The following SLC12A8 variants were observed in gnomAD, a reference collection of about 807,000 sequenced individuals.
The protein encoded by SLC12A8 is cation-chloride cotransporter 9.
In SLC12A8, 69 loss-of-function variants were observed where a neutral mutation model predicts 75.6. That is an observed-to-expected ratio of 0.91 (90% CI 0.75 to 1.11). The LOEUF is 1.11. Among genes scored for constraint, SLC12A8 ranks in the 50% most tolerant of loss-of-function variants. The probability of loss-of-function intolerance (pLI) is 0.00; values close to 1 mark genes in which losing one functional copy is unlikely to be tolerated. For synonymous variants in SLC12A8, 365 were observed against 372.8 expected (o/e 0.98, Z 0.24); for missense variants, 877 against 896.7 (o/e 0.98, Z 0.28).
chr3:125,207,615 TCAGACC>T (rs1209956910), intron 2 of SLC12A8, among the ~76,000 whole-genome samples: 3 of 152,210 alleles, frequency 2.0e-5, no homozygotes, highest in Non-Finnish European at 4.4e-5. Flanking sequence ...CTGCAGGACT[TCAGACC>T]TCCACACAGC....
At chr3:125,144,151 T>A (rs535106503) in intron 5 of SLC12A8, among the ~76,000 whole-genome samples, 2 of 152,152 alleles carry the variant, frequency 1.3e-5, no homozygotes, top group African/African-American at 4.8e-5. Context: ...GACACTAGGT[T>A]CTCACCTGGG....
intron 2 of SLC12A8, among the ~76,000 whole-genome samples, chr3:125,203,152 C>A (rs1935161477): frequency 6.9e-6 from 1 of 144,940 alleles, no homozygotes; most frequent in Non-Finnish European, 1.5e-5. Context: ...AATGGCCATA[C>A]TATGCAAAGC....
intron 5 of SLC12A8, among the ~76,000 whole-genome samples, chr3:125,145,244 T>C (rs946844072): frequency 1.3e-5 from 2 of 152,208 alleles, no homozygotes; most frequent in Non-Finnish European, 2.9e-5. Flanking sequence ...CTGCTGTTAC[T>C]GGCTGGCTAC....
rs779227993 is a variant in SLC12A8 at position 125,135,690 on chromosome 3, C to T, written c.715G>A (p.Val239Ile). The change falls in exon 6 of 14, where the codon GTT becomes ATT. Residue 239 changes from valine to isoleucine, a missense_variant. Coordinates refer to ENST00000469902, the MANE Select transcript of SLC12A8 (RefSeq NM_024628.6). ...ATACCTGTAGCCGCTGGGAAGAAAA[C>T]CCCAAAGACAGTGAAAAAAGATTCC... The part of the protein sequence containing the change: ...PGESFFTVFG[V>I]FFPAATGVMA... 6.2e-7 allele frequency: 1 copy of T among 1,607,992 alleles called. No homozygotes were observed. The highest frequency in any genetic ancestry group is 1.1e-5 in the South Asian group (1 of 89,976).
At chr3:125,186,820 G>A (rs538085137) in intron 4 of SLC12A8, among the ~76,000 whole-genome samples, 1 of 152,366 alleles carries the variant, frequency 6.6e-6, no homozygotes, top group South Asian at 2.1e-4. Context: ...CATTTGAGAA[G>A]TGCCTGCTTC....
At chr3:125,147,471 T>C (rs542061815) in intron 5 of SLC12A8, among the ~76,000 whole-genome samples, 3 of 152,204 alleles carry the variant, frequency 2.0e-5, no homozygotes, top group Non-Finnish European at 4.4e-5. Flanking sequence ...GTGTGCCTTT[T>C]CTGCAGGCGC....
At chr3:125,205,259 A>G (rs1217723984) in intron 2 of SLC12A8, among the ~76,000 whole-genome samples, 2 of 152,098 alleles carry the variant, frequency 1.3e-5, no homozygotes, top group Non-Finnish European at 2.9e-5. Context: ...TGCGTGGCAT[A>G]GTGTATTCTC....
At position 125,192,831 on chromosome 3, in the gene SLC12A8, C is replaced by T. The variant is rs569490582; in HGVS notation, c.52-2310G>A. ...TATAACTCAGTCTTCCCACAGTCTG[C>T]TCATCGGAGACTGGGTGGGAAGAGC... On this transcript the variant is annotated intron_variant, in intron 2 of 13. Coordinates refer to ENST00000469902, the MANE Select transcript of SLC12A8 (RefSeq NM_024628.6). 20 of 154,622 alleles carry T rather than the reference C, an allele frequency of 1.3e-4. 1 individual carries two copies. The South Asian group carries it at 2.4e-3, about 19-fold the overall frequency. 9.6% of individuals were successfully genotyped at this position (154,622 alleles called of 1,614,324 possible).
rs1249463014 is a variant in SLC12A8, at chr3:125,135,702, T to C, written c.703A>G (p.Thr235Ala). The part of the protein sequence containing the change: ...PDYSPGESFF[T>A]VFGVFFPAAT... The stretch of plus-strand genomic sequence containing the variant: ...GCTGGGAAGAAAACCCCAAAGACAG[T>C]GAAAAAAGATTCCCCCGGGCTGTAA... The change falls in exon 6 of 14, where the codon ACT becomes GCT. Residue 235 changes from threonine to alanine, a missense_variant. Thr to Ala is a moderately conservative substitution (Grantham distance 58). Transcript: ENST00000469902. 3.1e-6 allele frequency: 5 copies of C among 1,608,240 alleles called. No homozygotes were observed. Among genetic ancestry groups the C allele is most frequent in the Non-Finnish European group, 3.4e-6 (4 of 1,176,640 alleles).
chr3:125,136,590 G>T (rs949824312), intron 5 of SLC12A8, among the ~76,000 whole-genome samples: 5 of 152,174 alleles, frequency 3.3e-5, no homozygotes, highest in Admixed American at 6.5e-5. Context: ...CAGTAGGTAG[G>T]TTGCAAATAT....
At chr3:125,133,402 TCA>T (rs1933408628) in intron 6 of SLC12A8, among the ~76,000 whole-genome samples, 2 of 151,392 alleles carry the variant, frequency 1.3e-5, no homozygotes, top group Non-Finnish European at 2.9e-5. Context: ...ATACAGGGTC[TCA>T]CTCTGTCACT....
intron 10 of SLC12A8, among the ~76,000 whole-genome samples, chr3:125,099,304 A>G (rs1048614481): frequency 4.4e-4 from 67 of 152,250 alleles, no homozygotes; most frequent in Non-Finnish European, 2.6e-4. Flanking sequence ...AAATCCAGGC[A>G]ATTTACTAAA....
intron 4 of SLC12A8, among the ~76,000 whole-genome samples, chr3:125,184,944 A>G (rs1211934868): frequency 6.6e-6 from 1 of 152,240 alleles, no homozygotes; most frequent in Non-Finnish European, 1.5e-5. Context: ...AGACATTACC[A>G]CCAAACTTAC....
intron 5 of SLC12A8, among the ~76,000 whole-genome samples, chr3:125,141,411 G>A (rs1933633285): frequency 6.6e-6 from 1 of 152,224 alleles, no homozygotes; most frequent in Non-Finnish European, 1.5e-5. Flanking sequence ...GGCAGCGGGG[G>A]TCACTAGTGG....
At position 125,177,978 on chromosome 3, in the gene SLC12A8, A is replaced by T; in HGVS notation, c.391-4T>A. 2 of 1,609,322 alleles carry T rather than the reference A, an allele frequency of 1.2e-6. No individual in the cohort carries two copies. The highest frequency in any genetic ancestry group is 1.7e-6 in the Non-Finnish European group (2 of 1,177,142). The stretch of plus-strand genomic sequence containing the variant: ...TATACATGGCACCTGCAACACACTG[A>T]CATGCGATTCCAGGTAGAAGAGTCA... On this transcript the variant is annotated splice_region_variant and splice_polypyrimidine_tract_variant and intron_variant, in intron 4 of 13. Coordinates refer to ENST00000469902, the MANE Select transcript of SLC12A8 (RefSeq NM_024628.6).
chr3:125,133,114 T>C (rs1560062648), intron 6 of SLC12A8, among the ~76,000 whole-genome samples: 1 of 151,992 alleles, frequency 6.6e-6, no homozygotes, highest in Admixed American at 6.6e-5. Context: ...AGAATGGACA[T>C]GGGGAGCCAT....
At chr3:125,111,595 T>C (rs909972182) in intron 8 of SLC12A8, among the ~76,000 whole-genome samples, 2 of 152,232 alleles carry the variant, frequency 1.3e-5, no homozygotes. Flanking sequence ...AGAGTTAATA[T>C]TCAGCTTTGT....
intron 5 of SLC12A8, among the ~76,000 whole-genome samples, chr3:125,176,854 G>A (rs972119977): frequency 6.7e-6 from 1 of 149,162 alleles, no homozygotes; most frequent in Non-Finnish European, 1.5e-5. Flanking sequence ...TGCAGAAATA[G>A]GAACACTTTT....
intron 4 of SLC12A8, 97 bp from the exon 5 acceptor site, chr3:125,178,071 A>G (rs1934579470): frequency 2.0e-6 from 2 of 999,348 alleles, no homozygotes; most frequent in Non-Finnish European, 1.5e-6. Context: ...CCCCCATCGG[A>G]CACACTCACT....
Sources: allele counts gnomAD v4.1 joint callset (sites outside exome capture counted in the v4.1 genomes callset), GRCh38; gene constraint gnomAD v4.1.1; transcripts MANE v1.5; gene names NCBI Gene and HGNC (gene_info 2026-07-23, HGNC 2026-07-21).